Variants in TBC1D12 observed in about 807,000 individuals in gnomAD.
The protein encoded by TBC1D12 is TBC1 domain family, member 12.
A neutral mutation model predicts 86.7 loss-of-function variants in TBC1D12; 56 were observed. The ratio of observed to expected loss-of-function variants is 0.65; its 90% confidence interval spans 0.52 to 0.81. The LOEUF is 0.81. TBC1D12 is among the 30% of genes least tolerant of loss of function. The pLI is 0.00. For synonymous variants in TBC1D12, 421 were observed against 411.7 expected, an observed-to-expected ratio of 1.02 and a Z score of -0.27; for missense variants, 1,023 against 1,038.8, an observed-to-expected ratio of 0.98 and a Z score of 0.21.
At chr10:94,445,439 A>G (rs2055447776) in intron 2 of TBC1D12, among the ~76,000 whole-genome samples, 3 of 152,298 alleles carry the variant, frequency 2.0e-5, no homozygotes. Context: ...GAAGGGGTAG[A>G]GTTGAAATGT....
At chr10:94,454,150 T>C (rs2055591534) in intron 2 of TBC1D12, among the ~76,000 whole-genome samples, 1 of 152,216 alleles carries the variant, frequency 6.6e-6, no homozygotes, top group South Asian at 2.1e-4. Context: ...CAAAATAATT[T>C]GCTGAGATTT....
At chr10:94,412,470 T>C (rs1381267515) in intron 1 of TBC1D12, among the ~76,000 whole-genome samples, 7 of 152,234 alleles carry the variant, frequency 4.6e-5, no homozygotes, top group South Asian at 2.1e-4. Context: ...TGTAGTGATA[T>C]GACATTTCCC....
chr10:94,455,589 A>G (rs1422471811), intron 2 of TBC1D12, among the ~76,000 whole-genome samples: 3 of 152,150 alleles, frequency 2.0e-5, no homozygotes, highest in Non-Finnish European at 4.4e-5. Flanking sequence ...GTATATTTCA[A>G]GGAATTGGTT....
chr10:94,410,861 G>A (rs1421881085), intron 1 of TBC1D12, among the ~76,000 whole-genome samples: 2 of 152,082 alleles, frequency 1.3e-5, no homozygotes, highest in Middle Eastern at 3.4e-3. Context: ...TCTGGACTTC[G>A]GTTTCCTTAT....
chr10:94,474,554 T>G, intron 2 of TBC1D12, 114 bp from the exon 3 acceptor site: 1 of 709,778 alleles, frequency 1.4e-6, no homozygotes, highest in Non-Finnish European at 2.2e-6. Flanking sequence ...ACCAAATTAT[T>G]TTTTGAATTG....
intron 11 of TBC1D12, among the ~76,000 whole-genome samples, chr10:94,524,927 G>A (rs534258096): frequency 3.1e-4 from 47 of 152,068 alleles, no homozygotes; most frequent in African/African-American, 1.1e-3. Context: ...CTGGGCTCAA[G>A]CATTCCTCCC....
intron 1 of TBC1D12, among the ~76,000 whole-genome samples, chr10:94,435,197 A>G (rs1353852744): frequency 6.6e-6 from 1 of 152,214 alleles, no homozygotes; most frequent in Non-Finnish European, 1.5e-5. Context: ...GTACATGTCC[A>G]GGACTTTGCT....
chr10:94,503,268 G>C (rs746580238), intron 6 of TBC1D12, among the ~76,000 whole-genome samples: 3 of 152,120 alleles, frequency 2.0e-5, no homozygotes, highest in African/African-American at 2.4e-5. Context: ...TCCAAGTACT[G>C]TTTTTCATCC....
chr10:94,461,840 A>C (rs1276511541), intron 2 of TBC1D12, among the ~76,000 whole-genome samples: 1 of 152,162 alleles, frequency 6.6e-6, no homozygotes, highest in Non-Finnish European at 1.5e-5. Context: ...TCTTTGGTGA[A>C]TCTAAGAATA....
chr10:94,514,255 G>A (rs890056567), intron 9 of TBC1D12, among the ~76,000 whole-genome samples: 3 of 152,098 alleles, frequency 2.0e-5, no homozygotes, highest in African/African-American at 7.2e-5. Context: ...TGCACCTGTA[G>A]TCCCAGCTAC....
chr10:94,531,714 GTTATT>G (rs1429635390), intron 12 of TBC1D12, among the ~76,000 whole-genome samples: 16 of 119,236 alleles, frequency 1.3e-4, no homozygotes, highest in African/African-American at 3.1e-4. Context: ...GTTATTTTAT[GTTATT>G]TTATGTTATT....
intron 1 of TBC1D12, among the ~76,000 whole-genome samples, chr10:94,430,268 T>C (rs1021606488): frequency 3.3e-5 from 5 of 152,222 alleles, no homozygotes; most frequent in Admixed American, 2.6e-4. Flanking sequence ...CAAATTGATG[T>C]AAATGTTAAG....
At chr10:94,483,745 T>C (rs1220372175) in intron 3 of TBC1D12, among the ~76,000 whole-genome samples, 1 of 152,170 alleles carries the variant, frequency 6.6e-6, no homozygotes, top group African/African-American at 2.4e-5. Flanking sequence ...TTTTTTTGTT[T>C]GTTTGTTTGT....
intron 11 of TBC1D12, among the ~76,000 whole-genome samples, chr10:94,524,455 G>A (rs912330063): frequency 1.3e-5 from 2 of 152,086 alleles, no homozygotes; most frequent in African/African-American, 2.4e-5. Flanking sequence ...GATATGTACT[G>A]TAAACCAGGG....
chr10:94,451,073 T>TA (rs1265186039), intron 2 of TBC1D12, among the ~76,000 whole-genome samples: 1 of 151,888 alleles, frequency 6.6e-6, no homozygotes, highest in Admixed American at 6.6e-5. Context: ...TGTTAAAGGA[T>TA]AAAAAATTAT....
intron 1 of TBC1D12, among the ~76,000 whole-genome samples, chr10:94,416,603 T>C (rs1161087998): frequency 6.6e-6 from 1 of 152,204 alleles, no homozygotes; most frequent in Non-Finnish European, 1.5e-5. Flanking sequence ...CCTCTATGTA[T>C]ACTAGGCACA....
chr10:94,511,453 TATA>T, intron 8 of TBC1D12, 127 bp from the exon 9 acceptor site: 1 of 676,096 alleles, frequency 1.5e-6, no homozygotes, highest in East Asian at 2.8e-5. Context: ...AGAGTACATT[TATA>T]ATATTTTTTA....
intron 11 of TBC1D12, among the ~76,000 whole-genome samples, chr10:94,524,900 C>G (rs1175231014): frequency 6.6e-6 from 1 of 151,592 alleles, no homozygotes; most frequent in African/African-American, 2.4e-5. Flanking sequence ...AATCACAGCT[C>G]CTCCCACCTG....
intron 2 of TBC1D12, among the ~76,000 whole-genome samples, chr10:94,465,831 T>A (rs536754383): frequency 5.9e-5 from 9 of 151,270 alleles, no homozygotes; most frequent in Non-Finnish European, 1.0e-4. Context: ...CATATACGTA[T>A]ACGCATACAT....
Sources: gnomAD v4.1 joint callset for allele counts (sites outside exome capture counted in the v4.1 genomes callset) on GRCh38, gnomAD v4.1.1 for gene constraint, MANE v1.5 for transcripts, NCBI Gene and HGNC (gene_info 2026-07-23, HGNC 2026-07-21) for gene names.